COL24A1: variants seen among roughly 807,000 people sequenced by gnomAD.
COL24A1 encodes collagen type XXIV alpha 1 chain.
A neutral mutation model predicts 253.9 loss-of-function variants in COL24A1; 224 were observed. That is an observed-to-expected ratio of 0.88 (90% confidence interval 0.79 to 0.99). The LOEUF (loss-of-function observed/expected upper bound fraction) is 0.99, where lower values mean the gene tolerates loss of function less well. Ranked by LOEUF, COL24A1 falls within the 50% of genes least tolerant of loss-of-function variation. COL24A1 has a pLI of 0.00. For synonymous variants in COL24A1, 685 were observed against 673.7 expected (o/e 1.02, Z -0.26); for missense variants, 2,131 against 2,068.5 (o/e 1.03, Z -0.59).
At chr1:86,055,134 A>G (rs1310541992) in intron 10 of COL24A1, among the ~76,000 whole-genome samples, 1 of 152,122 alleles carries the variant, frequency 6.6e-6, no homozygotes, top group African/African-American at 2.4e-5. Context: ...AACACTATAG[A>G]TTCCCTAAGG....
chr1:85,987,741 A>G (rs926977282), intron 19 of COL24A1, 87 bp from the exon 20 acceptor site: 2 of 1,128,188 alleles, frequency 1.8e-6, no homozygotes, highest in Admixed American at 2.5e-5. Flanking sequence ...CTATTCCTCC[A>G]TATCCAGTTA....
chr1:86,121,225 G>A (rs569213205), intron 3 of COL24A1, among the ~76,000 whole-genome samples: 3 of 152,118 alleles, frequency 2.0e-5, no homozygotes, highest in Non-Finnish European at 4.4e-5. Context: ...AACCAACATG[G>A]CACATGTATA....
chr1:86,125,090 G>T lies in COL24A1; in HGVS notation c.1246C>A (p.Leu416Ile). 1.9e-6 allele frequency: 3 copies of T among 1,613,200 alleles called. No homozygotes were observed. The highest frequency in any genetic ancestry group is 1.7e-6 in the Non-Finnish European group (2 of 1,179,682). ...ATTTCCATGAGTTCGTTAGTGTGTA[G>T]ATTTGCTGTGATAGCCTTCTTGAGA... ...TNLKKAITAN[L>I]HTNELMEMQP... The change falls in exon 3 of 60, where the codon CTA becomes ATA. Residue 416 changes from leucine to isoleucine, a missense_variant. Leu to Ile is a conservative substitution (Grantham distance 5, BLOSUM62 2). Transcript: ENST00000370571.
At chr1:85,970,787 A>G (rs1211524522) in intron 21 of COL24A1, among the ~76,000 whole-genome samples, 1 of 152,214 alleles carries the variant, frequency 6.6e-6, no homozygotes, top group African/African-American at 2.4e-5. Flanking sequence ...TATAAATTCT[A>G]GTATATATGA....
intron 19 of COL24A1, among the ~76,000 whole-genome samples, chr1:85,991,558 T>C (rs1367028500): frequency 6.6e-6 from 1 of 152,234 alleles, no homozygotes; most frequent in East Asian, 1.9e-4. Flanking sequence ...TTGTTTGTGA[T>C]ATACATTTGT....
intron 20 of COL24A1, among the ~76,000 whole-genome samples, chr1:85,974,463 G>T (rs1300670360): frequency 6.6e-6 from 1 of 152,080 alleles, no homozygotes; most frequent in Non-Finnish European, 1.5e-5. Flanking sequence ...AGACAAAATT[G>T]AATGGAAGAA....
chr1:86,105,879 C>T (rs11161735), intron 5 of COL24A1, among the ~76,000 whole-genome samples: 87,710 of 151,880 alleles, frequency 0.58, 25,682 homozygotes, highest in Admixed American at 0.63. Context: ...GAATGAGTCC[C>T]GATGTGAAGT....
chr1:86,055,240 C>T (rs1700584721), intron 10 of COL24A1, among the ~76,000 whole-genome samples: 2 of 152,162 alleles, frequency 1.3e-5, no homozygotes, highest in African/African-American at 4.8e-5. Context: ...CAAACCTCAG[C>T]ATTACACAAT....
intron 28 of COL24A1, among the ~76,000 whole-genome samples, chr1:85,900,236 A>T (rs918307092): frequency 8.5e-5 from 13 of 152,180 alleles, no homozygotes; most frequent in African/African-American, 3.1e-4. Flanking sequence ...TTTCACAGAG[A>T]TAGAAAAAAA....
At chr1:85,880,315 C>A (rs1359958709) in intron 32 of COL24A1, among the ~76,000 whole-genome samples, 1 of 152,058 alleles carries the variant, frequency 6.6e-6, no homozygotes, top group Non-Finnish European at 1.5e-5. Context: ...TCCAATTGCT[C>A]ATTGCTGTTA....
At chr1:85,867,027 T>C (rs531635233) in intron 37 of COL24A1, among the ~76,000 whole-genome samples, 2 of 152,224 alleles carry the variant, frequency 1.3e-5, no homozygotes, top group South Asian at 4.1e-4. Flanking sequence ...AGATGTGTTA[T>C]AATATTATTT....
At chr1:85,783,597 G>A (rs1274313479) in intron 50 of COL24A1, 39 bp from the exon 51 acceptor site, 1 of 1,552,770 alleles carries the variant, frequency 6.4e-7, no homozygotes, top group African/African-American at 1.4e-5. Flanking sequence ...AAAATTTGTA[G>A]CTCTATATGA....
intron 12 of COL24A1, 39 bp downstream of exon 12, chr1:86,046,786 T>C (rs1264311288): frequency 1.2e-6 from 2 of 1,608,576 alleles, no homozygotes; most frequent in Non-Finnish European, 8.5e-7. Flanking sequence ...CAGGTTATAT[T>C]GCTGTAAAAT....
intron 28 of COL24A1, among the ~76,000 whole-genome samples, chr1:85,905,283 A>G (rs1165028581): frequency 6.6e-6 from 1 of 152,122 alleles, no homozygotes; most frequent in African/African-American, 2.4e-5. Flanking sequence ...AGGCTGGACC[A>G]ATATTCTCAT....
chr1:85,774,040 G>A (rs1304746292), intron 53 of COL24A1, among the ~76,000 whole-genome samples: 2 of 152,096 alleles, frequency 1.3e-5, no homozygotes, highest in African/African-American at 2.4e-5. Context: ...GTTGAGATAT[G>A]TTCCACTGAT....
Position 85,896,070 on chromosome 1 carries a change from C to G in COL24A1, c.2833-5G>C, listed in dbSNP as rs775808577. 1.9e-6 allele frequency: 3 copies of G among 1,612,698 alleles called. No homozygotes were observed. The highest frequency in any genetic ancestry group is 2.2e-5 in the East Asian group (1 of 44,796). ...TCCTTGATCTCCTTTTTCACCCTAA[C>G]AAAGTATCAAAGCCAGGTGAGTTAG... is the stretch of plus-strand genomic sequence containing the variant. On this transcript the variant is annotated splice_region_variant and splice_polypyrimidine_tract_variant and intron_variant, in intron 29 of 59. Coordinates refer to ENST00000370571, the MANE Select transcript of COL24A1 (RefSeq NM_152890.7).
intron 32 of COL24A1, among the ~76,000 whole-genome samples, chr1:85,878,497 G>A (rs1218714608): frequency 6.6e-6 from 1 of 152,132 alleles, no homozygotes; most frequent in Non-Finnish European, 1.5e-5. Context: ...GGTTCATATT[G>A]GTTGCTTCAA....
At chr1:85,872,051 A>C (rs1301879327) in intron 35 of COL24A1, among the ~76,000 whole-genome samples, 1 of 152,180 alleles carries the variant, frequency 6.6e-6, no homozygotes, top group African/African-American at 2.4e-5. Context: ...TTATACACCA[A>C]TAACAGACAA....
chr1:85,763,388 A>C (rs1276610744), intron 53 of COL24A1, among the ~76,000 whole-genome samples: 10 of 152,044 alleles, frequency 6.6e-5, no homozygotes, highest in Non-Finnish European at 1.5e-4. Flanking sequence ...ACTGCACTCC[A>C]GCCTGGGTGA....
Sources: allele counts gnomAD v4.1 joint callset (sites outside exome capture counted in the v4.1 genomes callset), GRCh38; gene constraint gnomAD v4.1.1; transcripts MANE v1.5; gene names NCBI Gene and HGNC (gene_info 2026-07-23, HGNC 2026-07-21).